The following ADCY10 variants were observed in gnomAD, a reference collection of about 807,000 sequenced individuals.
ADCY10 encodes adenylate cyclase 10, also known as adenylate cyclase type 10.
In ADCY10, 156 loss-of-function variants were observed where a neutral mutation model predicts 183.3. The ratio of observed to expected loss-of-function variants is 0.85; its 90% CI spans 0.75 to 0.97. The LOEUF (loss-of-function observed/expected upper bound fraction) is 0.97. Ranked by LOEUF, ADCY10 falls within the 50% of genes least tolerant of loss-of-function variation. The pLI is 0.00. For missense variants in ADCY10, 1,745 were observed against 1,934.3 expected (o/e 0.90, Z 1.84); for synonymous variants, 645 against 670.0 (o/e 0.96, Z 0.58).
intron 2 of ADCY10, chr1:167,904,531 A>G (rs203776): frequency 5.0e-4 from 161 of 325,092 alleles, no homozygotes; most frequent in African/African-American, 3.1e-3. Context: ...TCAACTGTAC[A>G]GTGATAACTG....
Position 167,884,734 on chromosome 1 carries a change from G to T in ADCY10, c.829-1106C>A, listed in dbSNP as rs1212807008. 2.4e-5 allele frequency among the ~76,000 whole-genome samples: 3 copies of T among 126,340 alleles called. No homozygotes were observed. The East Asian group carries it at 6.8e-4, about 29-fold the overall frequency. 82.9% of individuals were successfully genotyped at this position (126,340 alleles called of 152,430 possible). A position where few individuals can be genotyped will look rare whatever the true frequency, so the allele number is the denominator to read the frequency against. ...TTTTTTTGAGACGGAGTCTCGCTCTGTTGCTCAGGCTGGAGTGCAGTGGCG... is the reference window on the plus strand; with the variant it reads ...TTTTTTTGAGACGGAGTCTCGCTCTTTTGCTCAGGCTGGAGTGCAGTGGCG... On this transcript the variant is annotated intron_variant, in intron 8 of 32. Transcript: ENST00000367851.
At chr1:167,817,272 C>T (rs1018225523) in intron 31 of ADCY10, among the ~76,000 whole-genome samples, 6 of 152,006 alleles carry the variant, frequency 3.9e-5, no homozygotes, top group Non-Finnish European at 5.9e-5. Context: ...GGCTGAGGTA[C>T]GAGAATTGTT....
At position 167,880,519 on chromosome 1, in the gene ADCY10, C is replaced by G. The variant is rs988205974; in HGVS notation, c.1111G>C (p.Asp371His). Residue 371 changes from aspartate (D) to histidine (H), a missense_variant, in exon 10 of 33, where the codon GAC becomes CAC. Physicochemically the swap from Asp to His is moderately conservative, Grantham distance 81 (BLOSUM62 -1). Transcript: ENST00000367851. The part of the protein sequence containing the change: ...HALECAMDIF[D>H]FCSQVHKIQT... ...ATTTTGTGGACTTGAGAGCAGAAGT[C>G]AAATATATCCATAGCACATTCCAGA... The G allele has an allele frequency of 1.2e-6, 2 of 1,613,952 alleles. No homozygotes were observed. Among genetic ancestry groups the G allele is most frequent in the African/African-American group, 1.3e-5 (1 of 74,900 alleles).
chr1:167,817,968 A>G (rs1334001624), intron 31 of ADCY10, 104 bp downstream of exon 31: 7 of 1,208,662 alleles, frequency 5.8e-6, no homozygotes, highest in African/African-American at 3.1e-5. Context: ...AACTTCTATT[A>G]TAAAAATATA....
chr1:167,903,150 T>C (rs1176772263), intron 3 of ADCY10, among the ~76,000 whole-genome samples: 2 of 151,384 alleles, frequency 1.3e-5, no homozygotes, highest in Non-Finnish European at 2.9e-5. Flanking sequence ...CAGCTACGTG[T>C]GTGGCTGAGG....
chr1:167,846,199 G>A lies in ADCY10; in HGVS notation c.2502C>T (p.Ala834=), dbSNP rs1571287220. ...CAGTGGTGAAGGTCAGGCCAATGAT[G>A]GCAGCACATCTCACCAGCATTTGGT... ...LSHQMLVRCA[A]IIGLTFTTEL... is the part of the protein sequence containing the mutation. The change falls in exon 20 of 33, where the codon GCC becomes GCT. Residue 834 remains alanine, a synonymous_variant. Coordinates refer to ENST00000367851, the MANE Select transcript of ADCY10 (RefSeq NM_018417.6). 1 of 1,614,186 alleles carries A rather than the reference G, an allele frequency of 6.2e-7. No individual in the cohort carries two copies. Among genetic ancestry groups the A allele is most frequent in the Non-Finnish European group, 8.5e-7 (1 of 1,180,034 alleles).
rs1238465596 is a variant in ADCY10, at chr1:167,875,429, G to GT, written c.1407-244_1407-243insA. Among the ~76,000 whole-genome samples, 9 of 50,672 alleles carry GT rather than the reference G, an allele frequency of 1.8e-4. No homozygotes were observed. The African/African-American group carries it at 2.3e-3, about 13-fold the overall frequency. 33.2% of individuals were successfully genotyped at this position (50,672 alleles called of 152,430 possible). ...GCATCTGGCACATTGTTCAATAAAT[G>GT]CTGTTGAGTCTGCACTGGTAGAGAA... On this transcript the variant is annotated intron_variant, in intron 12 of 32. Transcript: ENST00000367851.
chr1:167,895,685 A>C (rs1668923643), intron 7 of ADCY10, among the ~76,000 whole-genome samples: 1 of 152,210 alleles, frequency 6.6e-6, no homozygotes, highest in Admixed American at 6.5e-5. Flanking sequence ...ACTGAAGCGA[A>C]TTCTGGCTGT....
chr1:167,809,469 G>C lies in ADCY10; in HGVS notation c.*209C>G, dbSNP rs1662063554. 1.0e-5 allele frequency: 6 copies of C among 586,614 alleles called. No homozygotes were observed. In the South Asian group the frequency reaches 1.0e-4, roughly 10 times the overall value. The allele number at this position is 586,614 out of a possible 1,614,324, so 36.3% of individuals were successfully genotyped here. ...AGCTAAAACAACATGAATGGTAAAA[G>C]CAATTTTTTGTAACATTAGGAAGAA... On this transcript the variant is annotated 3_prime_UTR_variant, in exon 33 of 33. Coordinates refer to ENST00000367851, the MANE Select transcript of ADCY10 (RefSeq NM_018417.6).
chr1:167,866,696 T>A (rs1049278356), intron 14 of ADCY10, among the ~76,000 whole-genome samples: 5 of 151,334 alleles, frequency 3.3e-5, no homozygotes, highest in African/African-American at 1.2e-4. Context: ...TTATAGTAAC[T>A]TCTAATCTTG....
intron 31 of ADCY10, among the ~76,000 whole-genome samples, chr1:167,817,000 C>G (rs777873262): frequency 1.3e-5 from 2 of 152,166 alleles, no homozygotes; most frequent in Non-Finnish European, 2.9e-5. Context: ...TATGTAAATA[C>G]ATCTCCTAAG....
In ADCY10 at chr1:167,810,749, C is replaced by A. The variant is rs1332731500; in HGVS notation, c.4647G>T (p.Glu1549Asp). 1.9e-6 allele frequency: 3 copies of A among 1,614,180 alleles called. No individual in the cohort carries two copies. Among genetic ancestry groups the A allele is most frequent in the Admixed American group, 1.7e-5 (1 of 60,028 alleles). Residue 1549 changes from glutamate to aspartate, a missense_variant, in exon 32 of 33, where the codon GAG becomes GAT. By Grantham distance (45) the Glu-to-Asp change is conservative. Transcript: ENST00000367851. The stretch of plus-strand genomic sequence containing the variant: ...CTTTGTTCATGTTCAGCCAGCATTT[C>A]TCCAGTATATTCCCCTGTGTTTCAG... ...RLSETQGNIL[E>D]KCWLNMNKES...
intron 31 of ADCY10, among the ~76,000 whole-genome samples, chr1:167,813,550 T>G (rs1031479834): frequency 1.3e-5 from 2 of 151,760 alleles, no homozygotes; most frequent in Admixed American, 6.6e-5. Flanking sequence ...AAGAAATACC[T>G]AAAGGAGCCC....
chr1:167,833,981 G>A lies in ADCY10; in HGVS notation c.3406C>T (p.Leu1136Phe), dbSNP rs2101907219. 6.2e-7 allele frequency: 1 copy of A among 1,613,460 alleles called. No homozygotes were observed. The highest frequency in any genetic ancestry group is 8.5e-7 in the Non-Finnish European group (1 of 1,179,432). ...TAATGGTTTCTTACCTCACCTTTGA[G>A]GCTGTAAAAGGTGGCAGACTCAAAT... ...QTFESATFYSLKGEVCFNMGQ... is the reference protein window; with the variant it reads ...QTFESATFYSFKGEVCFNMGQ... The change falls in exon 24 of 33, where the codon CTC (leucine) becomes TTC (phenylalanine). Residue 1136 changes from leucine to phenylalanine, a missense_variant. Coordinates refer to ENST00000367851, the MANE Select transcript of ADCY10 (RefSeq NM_018417.6).
At chr1:167,848,566 G>T (rs1665232739) in intron 18 of ADCY10, 77 bp from the exon 19 acceptor site, 14 of 1,533,614 alleles carry the variant, frequency 9.1e-6, no homozygotes, top group Non-Finnish European at 9.9e-6. Flanking sequence ...TGAACTTTGA[G>T]ATGGATCTCA....
At chr1:167,817,846 C>G (rs1020772068) in intron 31 of ADCY10, among the ~76,000 whole-genome samples, 5 of 152,176 alleles carry the variant, frequency 3.3e-5, no homozygotes, top group African/African-American at 1.2e-4. Context: ...TGCACACACA[C>G]AGAAAAATAC....
At position 167,905,107 on chromosome 1, in the gene ADCY10, G is replaced by C. The variant is rs1265117773; in HGVS notation, c.34C>G (p.Pro12Ala). ...AAATGAGCTGCTATTCTGACTATGG[G>C]CCAGTCCTGGAATTCTTCTTTTGGA... is the stretch of plus-strand genomic sequence containing the variant. ...NTPKEEFQDW[P>A]IVRIAAHLPD... Residue 12 changes from proline to alanine, a missense_variant, in exon 2 of 33, where the codon CCC becomes GCC. By Grantham distance (27) the Pro-to-Ala change is conservative. Transcript: ENST00000367851. 1 of 1,614,076 alleles carries C rather than the reference G, an allele frequency of 6.2e-7. No individual in the cohort carries two copies. Among genetic ancestry groups the C allele is most frequent in the African/African-American group, 1.3e-5 (1 of 74,924 alleles).
rs778718006 is a variant in ADCY10, at chr1:167,856,263, G to A, written c.2073C>T (p.Asn691=). 23 of 1,613,854 alleles carry A rather than the reference G, an allele frequency of 1.4e-5. No homozygotes were observed. The East Asian group carries it at 4.9e-4, about 34-fold the overall frequency. Residue 691 remains asparagine (N), a synonymous_variant, in exon 17 of 33, where the codon AAC becomes AAT. Transcript: ENST00000367851. ...AAARAVIKNR[N]TTYIVIGAVQ... is the part of the protein sequence containing the mutation. ...CTGCACCAATGACAATGTAGGTGGT[G>A]TTCCTGTTCTTTATTACGGCCCTGG...
intron 9 of ADCY10, among the ~76,000 whole-genome samples, chr1:167,882,484 C>CA (rs71100909): frequency 0.012 from 871 of 71,004 alleles, 13 homozygotes; most frequent in East Asian, 0.12. Flanking sequence ...GATTCCGTCT[C>CA]AAAAAAAAAA....
Sources: allele counts gnomAD v4.1 joint callset (sites outside exome capture counted in the v4.1 genomes callset), GRCh38; gene constraint gnomAD v4.1.1; transcripts MANE v1.5; gene names NCBI Gene and HGNC (gene_info 2026-07-23, HGNC 2026-07-21).